The following CEP85L variants were observed in gnomAD, a reference collection of about 807,000 sequenced individuals.
CEP85L encodes centrosomal protein 85L, also known as centrosomal protein of 85 kDa-like.
Under a neutral mutation model 100.3 loss-of-function variants are expected in CEP85L, and 60 were observed. The observed-to-expected ratio is 0.60, with a 90% CI of 0.49 to 0.74. The LOEUF is 0.74. CEP85L is among the 30% of genes least tolerant of loss of function. The pLI is 0.00. For synonymous variants in CEP85L, 319 were observed against 322.7 expected (o/e 0.99, Z 0.12); for missense variants, 973 against 936.2 (o/e 1.04, Z -0.51).
At chr6:118,480,902 ATC>A (rs895297657) in intron 8 of CEP85L, among the ~76,000 whole-genome samples, 26 of 152,120 alleles carry the variant, frequency 1.7e-4, no homozygotes, top group African/African-American at 6.3e-4. Flanking sequence ...AAGAATATGG[ATC>A]CACATCTTTT....
At chr6:118,574,027 AGTTCTTCTTC>A (rs1158117671) in intron 2 of CEP85L, 79 of 152,362 alleles carry the variant, frequency 5.2e-4, no homozygotes, top group African/African-American at 1.9e-3. Context: ...AAGGACAATA[AGTTCTTCTTC>A]AAAGCTCCCT....
chr6:118,474,916 A>G (rs185098239), intron 10 of CEP85L, among the ~76,000 whole-genome samples: 128 of 152,338 alleles, frequency 8.4e-4, no homozygotes, highest in African/African-American at 2.8e-3. Flanking sequence ...ACAGTGAGAT[A>G]GCTGGGAAGA....
intron 2 of CEP85L, 58 bp from the exon 3 acceptor site, chr6:118,566,374 T>G: frequency 1.5e-6 from 2 of 1,303,830 alleles, no homozygotes; most frequent in Non-Finnish European, 2.1e-6. Context: ...GAGAATGAGG[T>G]AAAATGCAAT....
intron 3 of CEP85L, chr6:118,560,057 A>G (rs113584707): frequency 6.0e-6 from 1 of 167,212 alleles, no homozygotes; most frequent in African/African-American, 2.4e-5. Context: ...ATTTCCAGTG[A>G]CAGAAAAATA....
At chr6:118,651,077 C>G in intron 1 of CEP85L, 120 bp downstream of exon 1, 1 of 1,345,102 alleles carries the variant, frequency 7.4e-7, no homozygotes, top group Non-Finnish European at 9.5e-7. Flanking sequence ...CACGCGGCGG[C>G]GTCGGGGAGG....
chr6:118,502,749 A>G (rs1025277081), intron 5 of CEP85L: 5 of 555,620 alleles, frequency 9.0e-6, no homozygotes, highest in African/African-American at 7.5e-5. Flanking sequence ...CTTGCTGAAC[A>G]GGTGACCAAT....
chr6:118,633,229 G>A (rs1583200628), intron 1 of CEP85L, among the ~76,000 whole-genome samples: 1 of 145,576 alleles, frequency 6.9e-6, no homozygotes, highest in African/African-American at 2.6e-5. Flanking sequence ...TTTGAGACGA[G>A]TCTCGCTGTC....
At chr6:118,668,164 A>C (rs1014596744) in intron 1 of CEP85L, among the ~76,000 whole-genome samples, 2 of 152,236 alleles carry the variant, frequency 1.3e-5, no homozygotes, top group African/African-American at 4.8e-5. Context: ...TATACTGTTC[A>C]AGCCAACTGG....
At chr6:118,604,557 T>C (rs1417747681) in intron 2 of CEP85L, among the ~76,000 whole-genome samples, 1 of 152,252 alleles carries the variant, frequency 6.6e-6, no homozygotes, top group Non-Finnish European at 1.5e-5. Flanking sequence ...GTTTCTTCAA[T>C]AGTCTCAATT....
intron 1 of CEP85L, among the ~76,000 whole-genome samples, chr6:118,660,138 G>A (rs1405886243): frequency 6.6e-6 from 1 of 152,184 alleles, no homozygotes; most frequent in African/African-American, 2.4e-5. Context: ...CTGGCACCAG[G>A]CATTGTAGTT....
intron 2 of CEP85L, among the ~76,000 whole-genome samples, chr6:118,597,515 T>C (rs1278707448): frequency 6.6e-6 from 1 of 152,124 alleles, no homozygotes; most frequent in Non-Finnish European, 1.5e-5. Context: ...AAGGAAAAAG[T>C]GAAAATCATA....
chr6:118,534,835 C>T (rs1259681216), intron 3 of CEP85L, among the ~76,000 whole-genome samples: 3 of 152,008 alleles, frequency 2.0e-5, no homozygotes, highest in Non-Finnish European at 4.4e-5. Flanking sequence ...GCCTAGCCAA[C>T]ACGGTGAAAC....
chr6:118,469,772 T>C (rs958692439), intron 11 of CEP85L, among the ~76,000 whole-genome samples: 5 of 152,076 alleles, frequency 3.3e-5, no homozygotes, highest in Admixed American at 1.3e-4. Context: ...TGGCTAATTT[T>C]TGCATTTTTT....
intron 1 of CEP85L, among the ~76,000 whole-genome samples, chr6:118,686,907 T>C (rs142242509): frequency 6.6e-6 from 1 of 152,324 alleles, no homozygotes; most frequent in Non-Finnish European, 1.5e-5. Context: ...TTTCCCATCA[T>C]ACTGAGAATG....
intron 3 of CEP85L, among the ~76,000 whole-genome samples, chr6:118,538,537 T>G (rs1363938484): frequency 6.6e-6 from 1 of 152,058 alleles, no homozygotes; most frequent in Non-Finnish European, 1.5e-5. Context: ...AAATTTTTCC[T>G]CTTAAAAATC....
intron 2 of CEP85L, among the ~76,000 whole-genome samples, chr6:118,631,840 G>C (rs1774174548): frequency 6.6e-6 from 1 of 152,108 alleles, no homozygotes; most frequent in Admixed American, 6.5e-5. Context: ...GGAAACATGA[G>C]GTATGTGGAA....
At chr6:118,517,440 C>G (rs895941146) in intron 4 of CEP85L, among the ~76,000 whole-genome samples, 6 of 152,108 alleles carry the variant, frequency 3.9e-5, no homozygotes, top group African/African-American at 1.2e-4. Flanking sequence ...TTGTAGTGCT[C>G]CTTGAAGAGG....
intron 2 of CEP85L, among the ~76,000 whole-genome samples, chr6:118,580,674 G>C (rs1037945008): frequency 1.4e-4 from 21 of 152,312 alleles, no homozygotes; most frequent in African/African-American, 4.6e-4. Flanking sequence ...GAGCATCTCT[G>C]GGCAGGGCAC....
At chr6:118,618,938 C>T (rs1773253733) in intron 2 of CEP85L, among the ~76,000 whole-genome samples, 1 of 152,174 alleles carries the variant, frequency 6.6e-6, no homozygotes, top group Non-Finnish European at 1.5e-5. Flanking sequence ...CACAATAAAT[C>T]CAACAGTCCT....
Sources: allele counts gnomAD v4.1 joint callset (sites outside exome capture counted in the v4.1 genomes callset), GRCh38; gene constraint gnomAD v4.1.1; transcripts MANE v1.5; gene names NCBI Gene and HGNC (gene_info 2026-07-23, HGNC 2026-07-21).